PTPRO: variants seen among roughly 807,000 people sequenced by gnomAD.
The protein encoded by PTPRO is receptor-type tyrosine-protein phosphatase O.
PTPRO carries 62 observed loss-of-function variants against 145.2 expected under a neutral mutation model. The observed-to-expected ratio is 0.43, with a 90% confidence interval of 0.35 to 0.53. PTPRO has a LOEUF of 0.53. Ranked by LOEUF, PTPRO falls within the 20% of genes least tolerant of loss-of-function variation. The pLI is 0.01. For missense variants in PTPRO, 1,345 were observed against 1,482.7 expected (o/e 0.91, Z 1.53); for synonymous variants, 565 against 514.7 (o/e 1.10, Z -1.32).
intron 6 of PTPRO, among the ~76,000 whole-genome samples, chr12:15,507,572 G>A (rs1942349228): frequency 1.3e-5 from 2 of 152,210 alleles, no homozygotes; most frequent in Non-Finnish European, 2.9e-5. Flanking sequence ...CTACTGTGAT[G>A]TCCTAGACAT....
At chr12:15,462,219 G>A (rs1941320500) in intron 1 of PTPRO, among the ~76,000 whole-genome samples, 2 of 152,070 alleles carry the variant, frequency 1.3e-5, no homozygotes, top group South Asian at 4.2e-4. Context: ...CCACCTCCTG[G>A]GTTCAAGTGG....
intron 1 of PTPRO, among the ~76,000 whole-genome samples, chr12:15,328,242 T>TA (rs1866502682): frequency 6.6e-6 from 1 of 152,154 alleles, no homozygotes; most frequent in Non-Finnish European, 1.5e-5. Context: ...CACCAATCCT[T>TA]AGATTTTTTT....
At chr12:15,574,483 C>T (rs982500283) in intron 19 of PTPRO, among the ~76,000 whole-genome samples, 1 of 152,216 alleles carries the variant, frequency 6.6e-6, no homozygotes, top group Non-Finnish European at 1.5e-5. Context: ...TCTGTTCAGA[C>T]ATGTGGCTGC....
At chr12:15,496,165 G>A (rs1208016276) in intron 2 of PTPRO, among the ~76,000 whole-genome samples, 1 of 41,568 alleles carries the variant, frequency 2.4e-5, no homozygotes, top group African/African-American at 8.9e-5. Context: ...TTTTTTTTTT[G>A]AGATTTCACT....
chr12:15,454,850 T>C (rs1468828353), intron 1 of PTPRO, among the ~76,000 whole-genome samples: 4 of 152,216 alleles, frequency 2.6e-5, no homozygotes, highest in African/African-American at 9.6e-5. Context: ...ATTTTCCCAT[T>C]GTGTGTAGTC....
intron 1 of PTPRO, among the ~76,000 whole-genome samples, chr12:15,474,597 T>A (rs1411625505): frequency 6.6e-6 from 1 of 152,236 alleles, no homozygotes; most frequent in Non-Finnish European, 1.5e-5. Flanking sequence ...ACATTAAATT[T>A]GTTATGTAAA....
intron 12 of PTPRO, 112 bp downstream of exon 12, chr12:15,526,374 TTA>T: frequency 7.1e-7 from 1 of 1,416,454 alleles, no homozygotes; most frequent in Non-Finnish European, 9.9e-7. Context: ...GGCTAATTTT[TTA>T]TGAGTAGAAA....
intron 1 of PTPRO, among the ~76,000 whole-genome samples, chr12:15,432,418 G>A (rs1418056188): frequency 1.3e-5 from 2 of 152,182 alleles, no homozygotes; most frequent in South Asian, 2.1e-4. Context: ...GGGCATTTAG[G>A]TTGATTGTAT....
chr12:15,450,461 C>A (rs1941015967), intron 1 of PTPRO, among the ~76,000 whole-genome samples: 1 of 152,104 alleles, frequency 6.6e-6, no homozygotes, highest in Admixed American at 6.6e-5. Flanking sequence ...CCTTTCCATC[C>A]ATAAATGTTT....
chr12:15,378,303 G>A (rs1938750205), intron 1 of PTPRO, among the ~76,000 whole-genome samples: 1 of 151,788 alleles, frequency 6.6e-6, no homozygotes, highest in African/African-American at 2.4e-5. Context: ...GAATGAAAAA[G>A]GAGACAGCCC....
chr12:15,513,584 GA>G (rs1234035598), intron 7 of PTPRO, among the ~76,000 whole-genome samples: 1 of 152,112 alleles, frequency 6.6e-6, no homozygotes, highest in East Asian at 1.9e-4. Flanking sequence ...TTTCCAGTGC[GA>G]AAAGGTTTAA....
intron 12 of PTPRO, 66 bp from the exon 13 acceptor site, chr12:15,546,503 A>T (rs1943292164): frequency 2.6e-6 from 4 of 1,545,700 alleles, no homozygotes; most frequent in Admixed American, 2.0e-5. Flanking sequence ...TCACCTGCTT[A>T]TTAGTGAAAG....
At chr12:15,474,595 T>G (rs1941614049) in intron 1 of PTPRO, among the ~76,000 whole-genome samples, 1 of 152,222 alleles carries the variant, frequency 6.6e-6, no homozygotes, top group Admixed American at 6.5e-5. Flanking sequence ...CTACATTAAA[T>G]TTGTTATGTA....
rs147649897 is a variant in PTPRO, at chr12:15,342,123, C to G, written c.75+19322C>G. The stretch of plus-strand genomic sequence containing the variant: ...GAAGCCTTTAATTAACACGGTAGTA[C>G]TTTCTTTTTCTTTTTATAAACTAAA... On this transcript the variant is annotated intron_variant, in intron 1 of 26. Transcript: ENST00000281171. Among the ~76,000 whole-genome samples the G allele has an allele frequency of 9.3e-3, 1,414 of 152,218 alleles. 10 individuals are homozygous for G. The highest frequency in any genetic ancestry group is 0.017 in the Admixed American group (263 of 15,288).
chr12:15,383,486 A>T (rs1175765031), intron 1 of PTPRO, among the ~76,000 whole-genome samples: 1 of 152,226 alleles, frequency 6.6e-6, no homozygotes, highest in African/African-American at 2.4e-5. Context: ...TTGATGATAA[A>T]AAACAATGCT....
chr12:15,415,755 T>C (rs542184104), intron 1 of PTPRO, among the ~76,000 whole-genome samples: 1 of 151,924 alleles, frequency 6.6e-6, no homozygotes, highest in South Asian at 2.1e-4. Context: ...ATTAGCTGCA[T>C]GTCTTTTTAT....
At chr12:15,516,618 G>A in intron 8 of PTPRO, 145 bp from the exon 9 acceptor site, 2 of 672,366 alleles carry the variant, frequency 3.0e-6, no homozygotes, top group East Asian at 2.7e-5. Context: ...AGGGAGGAAG[G>A]AAGGAAGGAA....
chr12:15,520,185 T>C lies in PTPRO; in HGVS notation c.1780-16T>C, dbSNP rs377302044. 3 of 1,579,500 alleles carry C rather than the reference T, an allele frequency of 1.9e-6. No individual in the cohort carries two copies. Among genetic ancestry groups the C allele is most frequent in the Non-Finnish European group, 2.6e-6 (3 of 1,148,538 alleles). On this transcript the variant is annotated splice_polypyrimidine_tract_variant and intron_variant, in intron 9 of 26. Coordinates refer to ENST00000281171, the MANE Select transcript of PTPRO (RefSeq NM_030667.3). The stretch of plus-strand genomic sequence containing the variant: ...TCCCACAGTCTTTTGTCTCCTTGCT[T>C]GCTTTTCTCATTCAGAGAATAGCTA...
intron 2 of PTPRO, among the ~76,000 whole-genome samples, chr12:15,496,270 G>A (rs1482783332): frequency 6.8e-6 from 1 of 148,142 alleles, no homozygotes; most frequent in African/African-American, 2.5e-5. Context: ...AGCCTCCCCA[G>A]CAGCTGGGAT....
Sources: gnomAD v4.1 joint callset for allele counts (sites outside exome capture counted in the v4.1 genomes callset) on GRCh38, gnomAD v4.1.1 for gene constraint, MANE v1.5 for transcripts, NCBI Gene and HGNC (gene_info 2026-07-23, HGNC 2026-07-21) for gene names.